The following DMD variants were observed in gnomAD, a reference collection of about 807,000 sequenced individuals.
DMD encodes the protein mutant dystrophin.
DMD carries 63 observed loss-of-function variants against 330.1 expected under a neutral mutation model. The observed-to-expected ratio is 0.19, with a 90% CI of 0.16 to 0.24. The LOEUF (loss-of-function observed/expected upper bound fraction) is 0.24, where lower values mean the gene tolerates loss of function less well. Among genes scored for constraint, DMD ranks in the 10% least tolerant of loss-of-function variants. DMD has a pLI of 1.00. For synonymous variants in DMD, 1,223 were observed against 959.8 expected, an observed-to-expected ratio of 1.27 and a Z score of -5.07; for missense variants, 3,344 against 2,684.1, an observed-to-expected ratio of 1.25 and a Z score of -5.43.
At chrX:32,007,664 C>T (rs1468584191) in intron 44 of DMD, among the ~76,000 whole-genome samples, 1 of 110,934 alleles carries the variant, frequency 9.0e-6, no homozygotes, top group Non-Finnish European at 1.9e-5. Context: ...GTAAAGATTT[C>T]AGGCCAAATA....
At chrX:33,302,135 T>C (rs1466702444) in intron 1 of DMD, among the ~76,000 whole-genome samples, 1 of 111,685 alleles carries the variant, frequency 9.0e-6, no homozygotes, top group African/African-American at 3.3e-5. Context: ...GCAACAGATA[T>C]GCCAAGATTT....
intron 7 of DMD, among the ~76,000 whole-genome samples, chrX:32,789,733 CATAAG>C (rs1485676395): frequency 9.1e-6 from 1 of 110,009 alleles, no homozygotes; most frequent in Non-Finnish European, 1.9e-5. Flanking sequence ...GTGTACAAGA[CATAAG>C]ATAAAGTATG....
chrX:32,223,510 C>A (rs1214875298), intron 43 of DMD, among the ~76,000 whole-genome samples: 1 of 111,487 alleles, frequency 9.0e-6, no homozygotes, highest in East Asian at 2.8e-4. Flanking sequence ...ATGACATTCC[C>A]AAACATGTCT....
intron 52 of DMD, among the ~76,000 whole-genome samples, chrX:31,721,986 A>C (rs764787630): frequency 9.1e-6 from 1 of 110,100 alleles, no homozygotes; most frequent in East Asian, 2.8e-4. Context: ...ACTTCACCAC[A>C]TAATATTAGC....
In DMD at chrX:32,025,049, G is replaced by A. The variant is rs1251756997; in HGVS notation, c.6439-56535C>T. Reference sequence around the variant, plus strand: ...TTGGTAGCCTCAAGTCCTCATGTGTGTGTTTCTTTCCACTATACTTGGTGT... The same window carrying A: ...TTGGTAGCCTCAAGTCCTCATGTGTATGTTTCTTTCCACTATACTTGGTGT... On this transcript the variant is annotated intron_variant, in intron 44 of 78. Coordinates refer to ENST00000357033, the MANE Select transcript of DMD (RefSeq NM_004006.3). Among the ~76,000 whole-genome samples, 2 of 111,406 alleles carry A rather than the reference G, an allele frequency of 1.8e-5. 1 individual carries two copies. The highest frequency in any genetic ancestry group is 1.9e-4 in the Admixed American group (2 of 10,416).
chrX:31,471,142 CT>C (rs1379518150), intron 59 of DMD, among the ~76,000 whole-genome samples: 3 of 110,957 alleles, frequency 2.7e-5, no homozygotes, highest in Non-Finnish European at 3.8e-5. Context: ...CTTCAGTCCC[CT>C]TTCCAGGGGA....
intron 62 of DMD, among the ~76,000 whole-genome samples, chrX:31,293,189 TGTGTAGTCTGGTTTA>T (rs1160423472): frequency 2.8e-4 from 24 of 86,118 alleles, no homozygotes; most frequent in African/African-American, 5.1e-4. Context: ...TGTGTGTGTG[TGTGTAGTCTGGTTTA>T]GTGTGTGTGT....
chrX:31,586,330 T>A (rs1388764899), intron 55 of DMD, among the ~76,000 whole-genome samples: 1 of 112,632 alleles, frequency 8.9e-6, no homozygotes, highest in Non-Finnish European at 1.9e-5. Flanking sequence ...GAAGAGAACG[T>A]GGACTAACAC....
intron 29 of DMD, among the ~76,000 whole-genome samples, chrX:32,427,704 G>A (rs1198440075): frequency 2.7e-5 from 3 of 110,362 alleles, no homozygotes; most frequent in Non-Finnish European, 5.7e-5. Context: ...GTTGATGACT[G>A]GAATTATCTA....
chrX:32,118,196 C>A (rs1381309335), intron 44 of DMD, among the ~76,000 whole-genome samples: 3 of 111,465 alleles, frequency 2.7e-5, no homozygotes, highest in Non-Finnish European at 5.7e-5. Context: ...AATAAAGTAT[C>A]CTATTTTACA....
chrX:32,030,672 G>A (rs778060203), intron 44 of DMD, among the ~76,000 whole-genome samples: 2 of 111,514 alleles, frequency 1.8e-5, no homozygotes, highest in Non-Finnish European at 3.8e-5. Flanking sequence ...ACCAAAACTT[G>A]AGCTGTCTTA....
intron 48 of DMD, among the ~76,000 whole-genome samples, chrX:31,858,266 C>G (rs1216923487): frequency 9.0e-6 from 1 of 111,492 alleles, no homozygotes; most frequent in Non-Finnish European, 1.9e-5. Context: ...AAATTCAACG[C>G]ATAAAGTTTG....
At chrX:32,844,582 CTG>C (rs2080483913) in intron 4 of DMD, among the ~76,000 whole-genome samples, 199 bp downstream of exon 4, 1 of 111,896 alleles carries the variant, frequency 8.9e-6, no homozygotes, top group African/African-American at 3.2e-5. Flanking sequence ...TCCCTTCCCT[CTG>C]TGGCAGCATG....
intron 52 of DMD, among the ~76,000 whole-genome samples, chrX:31,723,046 C>CA (rs1191258851): frequency 7.3e-4 from 48 of 65,753 alleles, no homozygotes; most frequent in Middle Eastern, 0.01. Context: ...GACTCTGTCT[C>CA]AAAAAAAAAA....
At chrX:31,443,176 C>T (rs2065057896) in intron 60 of DMD, among the ~76,000 whole-genome samples, 1 of 111,854 alleles carries the variant, frequency 8.9e-6, no homozygotes, top group South Asian at 3.8e-4. Flanking sequence ...AAATGATTCT[C>T]TAATTCTACG....
At chrX:31,555,835 T>C (rs1318953135) in intron 55 of DMD, among the ~76,000 whole-genome samples, 1 of 112,058 alleles carries the variant, frequency 8.9e-6, no homozygotes, top group Non-Finnish European at 1.9e-5. Context: ...TTACACTCTA[T>C]TCTAAGCGTG....
At chrX:31,804,392 T>G (rs2092215883) in intron 50 of DMD, among the ~76,000 whole-genome samples, 1 of 111,454 alleles carries the variant, frequency 9.0e-6, no homozygotes, top group African/African-American at 3.3e-5. Context: ...TTCCCTTTAT[T>G]ACTTCTTTAG....
At chrX:32,475,780 G>A (rs1327490591) in intron 21 of DMD, among the ~76,000 whole-genome samples, 3 of 110,553 alleles carry the variant, frequency 2.7e-5, no homozygotes, top group Non-Finnish European at 5.7e-5. Flanking sequence ...CTTTCTGGAG[G>A]AATCCTTAGG....
chrX:32,050,515 G>T (rs1370556295), intron 44 of DMD, among the ~76,000 whole-genome samples: 1 of 111,466 alleles, frequency 9.0e-6, no homozygotes, highest in African/African-American at 3.3e-5. Flanking sequence ...TGAAAGAATT[G>T]AATTGATTTC....
Sources: allele counts gnomAD v4.1 joint callset (sites outside exome capture counted in the v4.1 genomes callset), GRCh38; gene constraint gnomAD v4.1.1; transcripts MANE v1.5; gene names NCBI Gene and HGNC (gene_info 2026-07-23, HGNC 2026-07-21).